PUM1: variants seen among roughly 807,000 people sequenced by gnomAD.
The protein encoded by PUM1 is pumilio homolog 1.
Under a neutral mutation model 131.8 loss-of-function variants are expected in PUM1, and 13 were observed. That is an observed-to-expected ratio of 0.10 (90% confidence interval 0.06 to 0.16). The LOEUF is 0.16. PUM1 is among the 10% of genes least tolerant of loss of function. The probability of loss-of-function intolerance (pLI) is 1.00; values close to 1 mark genes in which losing one functional copy is unlikely to be tolerated. For missense variants in PUM1, 961 were observed against 1,512.4 expected, an observed-to-expected ratio of 0.64 and a Z score of 6.05; for synonymous variants, 509 against 556.5, an observed-to-expected ratio of 0.91 and a Z score of 1.20.
intron 1 of PUM1, among the ~76,000 whole-genome samples, chr1:31,063,875 C>T (rs560193674): frequency 6.1e-4 from 93 of 152,240 alleles, no homozygotes; most frequent in Non-Finnish European, 9.6e-4. Context: ...TGAGCAAATA[C>T]CTAAGCAATT....
chr1:30,957,440 A>G (rs1640215626), intron 14 of PUM1, among the ~76,000 whole-genome samples: 1 of 152,160 alleles, frequency 6.6e-6, no homozygotes, highest in African/African-American at 2.4e-5. Context: ...ACTTGCACCC[A>G]AACCACTATA....
chr1:31,010,398 C>T (rs987176016), intron 3 of PUM1, among the ~76,000 whole-genome samples: 13 of 152,150 alleles, frequency 8.5e-5, no homozygotes, highest in African/African-American at 3.1e-4. Context: ...ATGGGATGTT[C>T]CTTTCAAGAT....
At chr1:30,986,375 A>C (rs1257970371) in intron 7 of PUM1, among the ~76,000 whole-genome samples, 1 of 152,184 alleles carries the variant, frequency 6.6e-6, no homozygotes, top group Non-Finnish European at 1.5e-5. Flanking sequence ...AAATTTTAAG[A>C]AAAAGGTTTA....
intron 1 of PUM1, among the ~76,000 whole-genome samples, chr1:31,060,000 C>T (rs1476796180): frequency 6.6e-6 from 1 of 150,878 alleles, no homozygotes; most frequent in African/African-American, 2.4e-5. Flanking sequence ...GCGCCCACCA[C>T]CACGGGTGGC....
At position 31,030,831 on chromosome 1, in the gene PUM1, A is replaced by G. The variant is rs1324815371; in HGVS notation, c.364-1967T>C. 5.3e-5 allele frequency among the ~76,000 whole-genome samples: 8 copies of G among 152,380 alleles called. No homozygotes were observed. In the East Asian group the frequency reaches 1.3e-3, roughly 26 times the overall value. ...CAGTTGCATTATTGTTTTCAGTCAC[A>G]TATTTTAAAAACGCACAGCCAATAC... On this transcript the variant is annotated intron_variant, in intron 2 of 21. Transcript: ENST00000426105.
intron 20 of PUM1, among the ~76,000 whole-genome samples, chr1:30,938,892 TAGATAGATAGATAGACAGAC>T (rs1259312654): frequency 1.9e-5 from 2 of 106,322 alleles, no homozygotes; most frequent in African/African-American, 5.9e-5. Context: ...GATAGATAGA[TAGATAGATAGATAGACAGAC>T]AGACAGACAG....
rs559431855 is a variant in PUM1 at position 30,952,954 on chromosome 1, C to T, written c.2592-591G>A. On this transcript the variant is annotated intron_variant, in intron 15 of 21. Coordinates refer to ENST00000426105, the MANE Select transcript of PUM1 (RefSeq NM_001020658.2). ...TTGCGCCACTGCACTCCAGCCTGGG[C>T]GACAGAGCAAGACTCTGTCTCAAAA... Among the ~76,000 whole-genome samples the T allele has an allele frequency of 1.5e-3, 222 of 151,850 alleles. 1 individual carries two copies. Among genetic ancestry groups the T allele is most frequent in the African/African-American group, 5.1e-3 (211 of 41,428 alleles).
chr1:30,980,441 T>C (rs968459998), intron 8 of PUM1, among the ~76,000 whole-genome samples: 12 of 152,218 alleles, frequency 7.9e-5, no homozygotes, highest in African/African-American at 2.9e-4. Flanking sequence ...AAAAGATTAT[T>C]AAAATTGTAA....
chr1:30,995,360 AAAC>A, intron 5 of PUM1, 140 bp from the exon 6 acceptor site: 1 of 904,234 alleles, frequency 1.1e-6, no homozygotes, highest in Non-Finnish European at 1.7e-6. Flanking sequence ...TCTAATTAAC[AAAC>A]AACACAGAGG....
intron 7 of PUM1, among the ~76,000 whole-genome samples, chr1:30,988,898 T>G (rs1316810256): frequency 6.6e-6 from 1 of 152,192 alleles, no homozygotes; most frequent in Non-Finnish European, 1.5e-5. Flanking sequence ...ATTTAGCACT[T>G]AGTTCCCCAA....
At chr1:30,959,797 C>G (rs1350245093) in intron 14 of PUM1, among the ~76,000 whole-genome samples, 1 of 151,494 alleles carries the variant, frequency 6.6e-6, no homozygotes, top group African/African-American at 2.4e-5. Flanking sequence ...GTCCCAGCTA[C>G]TTGGGAAGCT....
chr1:31,052,797 G>T lies in PUM1; in HGVS notation c.363+6407C>A, dbSNP rs115013376. ...CACTGCAACCTCTGCCCTGCTTCCC[G>T]GGTTAGAGCAATTCTCATGCCTCAG... On this transcript the variant is annotated intron_variant, in intron 2 of 21. Transcript: ENST00000426105. Among the ~76,000 whole-genome samples, 8 of 148,716 alleles carry T rather than the reference G, an allele frequency of 5.4e-5. No homozygotes were observed. In the South Asian group the frequency reaches 1.7e-3, roughly 32 times the overall value.
At chr1:30,984,788 T>C (rs1166010075) in intron 7 of PUM1, among the ~76,000 whole-genome samples, 1 of 152,226 alleles carries the variant, frequency 6.6e-6, no homozygotes, top group African/African-American at 2.4e-5. Context: ...TTATAAAAGA[T>C]AGCTACTACT....
intron 3 of PUM1, among the ~76,000 whole-genome samples, chr1:31,008,975 C>T (rs1157810225): frequency 1.3e-5 from 2 of 149,356 alleles, no homozygotes; most frequent in African/African-American, 5.0e-5. Flanking sequence ...AGATCAAGAC[C>T]ATCCTGGCTA....
intron 13 of PUM1, among the ~76,000 whole-genome samples, chr1:30,965,185 A>G (rs951675085): frequency 2.6e-5 from 4 of 152,302 alleles, no homozygotes; most frequent in Admixed American, 2.6e-4. Flanking sequence ...TGACGGCCAC[A>G]TGAACTATGG....
chr1:31,028,270 T>C (rs1367391844), intron 3 of PUM1, among the ~76,000 whole-genome samples: 3 of 152,222 alleles, frequency 2.0e-5, no homozygotes, highest in African/African-American at 7.2e-5. Context: ...CTCAGCTCTC[T>C]ACCTTCTGTA....
chr1:30,939,343 A>C (rs1410383797), intron 20 of PUM1, among the ~76,000 whole-genome samples: 1 of 152,196 alleles, frequency 6.6e-6, no homozygotes, highest in Non-Finnish European at 1.5e-5. Context: ...CTTAGCTGGA[A>C]ATGTGGTTCA....
chr1:31,054,013 G>C (rs1158929237), intron 2 of PUM1, among the ~76,000 whole-genome samples: 1 of 141,348 alleles, frequency 7.1e-6, no homozygotes, highest in Non-Finnish European at 1.5e-5. Context: ...AGAATCACTT[G>C]AACCCAGGAG....
chr1:30,932,552 AAT>A lies in PUM1; in HGVS notation c.*657_*658del, dbSNP rs771582645. The A allele has an allele frequency of 6.6e-5, 10 of 151,482 alleles. No homozygotes were observed. Among genetic ancestry groups the A allele is most frequent in the Non-Finnish European group, 1.3e-4 (9 of 67,894 alleles). 9.4% of individuals were successfully genotyped at this position (151,482 alleles called of 1,614,324 possible). ...CCTCACGAACAGCCTTCTTCAGCAT[AAT>A]ATAGTCTCCAAAAAAGGCATTTTTT... On this transcript the variant is annotated 3_prime_UTR_variant, in exon 22 of 22. Coordinates refer to ENST00000426105, the MANE Select transcript of PUM1 (RefSeq NM_001020658.2).
Sources: gnomAD v4.1 joint callset for allele counts (sites outside exome capture counted in the v4.1 genomes callset) on GRCh38, gnomAD v4.1.1 for gene constraint, MANE v1.5 for transcripts, NCBI Gene and HGNC (gene_info 2026-07-23, HGNC 2026-07-21) for gene names.